Variants in ZMPSTE24 observed in about 807,000 individuals in gnomAD.
ZMPSTE24 encodes zinc metallopeptidase STE24, also known as CAAX prenyl protease 1 homolog.
In ZMPSTE24, 48 loss-of-function variants were observed where a neutral mutation model predicts 56.7. That is an observed-to-expected ratio of 0.85 (90% CI 0.67 to 1.08). The LOEUF (loss-of-function observed/expected upper bound fraction) is 1.08. Among genes scored for constraint, ZMPSTE24 ranks in the 50% least tolerant of loss-of-function variants. The probability of loss-of-function intolerance (pLI) is 0.00; values close to 1 mark genes in which losing one functional copy is unlikely to be tolerated. For missense variants in ZMPSTE24, 503 were observed against 548.7 expected (o/e 0.92, Z 0.83); for synonymous variants, 172 against 195.2 (o/e 0.88, Z 0.99).
chr1:40,290,856 G>T lies in ZMPSTE24; in HGVS notation c.1062G>T (p.Met354Ile), dbSNP rs1643836041. The change falls in exon 9 of 10, where the codon ATG (methionine) becomes ATT (isoleucine). Residue 354 changes from methionine to isoleucine, a missense_variant and splice_region_variant. Transcript: ENST00000372759. ...HTVKNIIISQ[M>I]NSFLCFFLFA... Reference sequence around the variant, plus strand: ...AAATTTCATGTCCTTCTTTCTAGATGAATTCTTTCCTGTGTTTTTTTTTAT... The same window carrying T: ...AAATTTCATGTCCTTCTTTCTAGATTAATTCTTTCCTGTGTTTTTTTTTAT... The T allele has an allele frequency of 1.9e-6, 3 of 1,613,822 alleles. No individual in the cohort carries two copies. The highest frequency in any genetic ancestry group is 3.3e-4 in the Middle Eastern group (2 of 6,042).
intron 2 of ZMPSTE24, among the ~76,000 whole-genome samples, chr1:40,265,003 A>G (rs1481175784): frequency 6.6e-6 from 1 of 152,076 alleles, no homozygotes; most frequent in Non-Finnish European, 1.5e-5. Context: ...TGAAATTGTC[A>G]ACATAGAGAC....
At chr1:40,278,343 G>C (rs372347338) in intron 6 of ZMPSTE24, among the ~76,000 whole-genome samples, 2 of 151,672 alleles carry the variant, frequency 1.3e-5, no homozygotes, top group Admixed American at 6.6e-5. Context: ...CGTGTAACGA[G>C]GTCAGGAGAT....
In ZMPSTE24 at chr1:40,273,516, T is replaced by TCAAAAAAAAAAA. The variant is rs1208318399; in HGVS notation, c.769+1481_769+1482insCAAAAAAAAAAA. ...TGGGCAACAAGAGCCAAATTCTGTC[T>TCAAAAAAAAAAA]AAAAAAAAAAAAAAAAAAAAAATAT... On this transcript the variant is annotated intron_variant, in intron 6 of 9. Coordinates refer to ENST00000372759, the MANE Select transcript of ZMPSTE24 (RefSeq NM_005857.5). Among the ~76,000 whole-genome samples the TCAAAAAAAAAAA allele has an allele frequency of 6.9e-3, 73 of 10,560 alleles. 13 individuals carry two copies. The highest frequency in any genetic ancestry group is 0.018 in the African/African-American group (32 of 1,766). 6.9% of individuals were successfully genotyped at this position (10,560 alleles called of 152,430 possible).
Position 40,290,864 on chromosome 1 carries a change from T to G in ZMPSTE24, c.1070T>G (p.Phe357Cys), listed in dbSNP as rs375311466. Residue 357 changes from phenylalanine (F) to cysteine (C), a missense_variant, in exon 9 of 10, where the codon TTC (phenylalanine) becomes TGC (cysteine). By Grantham distance (205) the Phe-to-Cys change is radical. Transcript: ENST00000372759. Reference sequence around the variant, plus strand: ...TGTCCTTCTTTCTAGATGAATTCTTTCCTGTGTTTTTTTTTATTTGCTGTA... The same window carrying G: ...TGTCCTTCTTTCTAGATGAATTCTTGCCTGTGTTTTTTTTTATTTGCTGTA... The part of the protein sequence containing the change: ...KNIIISQMNS[F>C]LCFFLFAVLI... 11 of 1,613,858 alleles carry G rather than the reference T, an allele frequency of 6.8e-6. 1 individual carries two copies. The South Asian group carries it at 7.7e-5, about 11-fold the overall frequency.
chr1:40,275,752 C>CA (rs34281343), intron 6 of ZMPSTE24, among the ~76,000 whole-genome samples: 10,440 of 62,206 alleles, frequency 0.17, 952 homozygotes, highest in African/African-American at 0.27. Context: ...GACCCTGTCT[C>CA]AAAAAAAAAA....
intron 1 of ZMPSTE24, among the ~76,000 whole-genome samples, chr1:40,260,029 G>A (rs1643479149): frequency 7.5e-6 from 1 of 133,672 alleles, no homozygotes; most frequent in African/African-American, 2.8e-5. Flanking sequence ...TTATAATTTA[G>A]TATAATGAGA....
intron 6 of ZMPSTE24, 36 bp downstream of exon 6, chr1:40,272,071 G>A: frequency 6.4e-7 from 1 of 1,564,054 alleles, no homozygotes; most frequent in Non-Finnish European, 8.6e-7. Context: ...TTTTATCCAA[G>A]TGGTTTGTTT....
At chr1:40,291,128 CCT>C in intron 9 of ZMPSTE24, 131 bp downstream of exon 9, 2 of 1,210,108 alleles carry the variant, frequency 1.7e-6, no homozygotes, top group African/African-American at 1.5e-5. Context: ...CTTTTAGTCC[CCT>C]GATTCACTGG....
chr1:40,291,332 A>C (rs1040364081), intron 9 of ZMPSTE24, among the ~76,000 whole-genome samples: 14 of 152,226 alleles, frequency 9.2e-5, no homozygotes, highest in Admixed American at 5.2e-4. Context: ...TCTTATGTGT[A>C]TGAGGGGACA....
intron 6 of ZMPSTE24, among the ~76,000 whole-genome samples, chr1:40,275,819 G>T (rs12144229): frequency 6.7e-6 from 1 of 149,958 alleles, no homozygotes; most frequent in South Asian, 2.1e-4. Context: ...TTAAGTTTAC[G>T]AAGCTCAGAA....
At chr1:40,259,696 G>A (rs1414782485) in intron 1 of ZMPSTE24, among the ~76,000 whole-genome samples, 1 of 152,074 alleles carries the variant, frequency 6.6e-6, no homozygotes, top group Non-Finnish European at 1.5e-5. Context: ...CCTCGAACTC[G>A]TGGGCTCAAA....
At chr1:40,273,551 T>A (rs868122167) in intron 6 of ZMPSTE24, among the ~76,000 whole-genome samples, 1,524 of 92,550 alleles carry the variant, frequency 0.016, 89 homozygotes, top group African/African-American at 0.081. Context: ...TATATATATA[T>A]ATATATATAT....
At position 40,258,300 on chromosome 1, in the gene ZMPSTE24, T is replaced by C. The variant is rs1357417557; in HGVS notation, c.29T>C (p.Leu10Ser). Residue 10 changes from leucine to serine, a missense_variant, in exon 1 of 10, where the codon TTG becomes TCG. Physicochemically the swap from Leu to Ser is moderately radical, Grantham distance 145. Coordinates refer to ENST00000372759, the MANE Select transcript of ZMPSTE24 (RefSeq NM_005857.5). ...GGGATGTGGGCATCGCTGGACGCTT[T>C]GTGGGAGATGCCGGCCGAGAAGCGT... MGMWASLDA[L>S]WEMPAEKRIF... is the part of the protein sequence containing the mutation. 6.8e-6 allele frequency: 11 copies of C among 1,613,994 alleles called. No homozygotes were observed. Among genetic ancestry groups the C allele is most frequent in the Non-Finnish European group, 8.5e-6 (10 of 1,180,032 alleles).
intron 6 of ZMPSTE24, among the ~76,000 whole-genome samples, chr1:40,279,223 T>C (rs1207437362): frequency 1.3e-5 from 2 of 152,212 alleles, no homozygotes; most frequent in Non-Finnish European, 2.9e-5. Context: ...TAAAAGTCTT[T>C]GGGAAAAGAA....
At chr1:40,273,538 ATATATAT>A (rs1293730762) in intron 6 of ZMPSTE24, among the ~76,000 whole-genome samples, 72 of 17,348 alleles carry the variant, frequency 4.2e-3, no homozygotes, top group African/African-American at 8.7e-3. Flanking sequence ...AAAAAAAAAA[ATATATAT>A]ATATATATAT....
intron 2 of ZMPSTE24, 74 bp downstream of exon 2, chr1:40,261,059 G>A (rs776139764): frequency 6.4e-7 from 1 of 1,556,000 alleles, no homozygotes; most frequent in Non-Finnish European, 8.9e-7. Flanking sequence ...CACAAAAGAG[G>A]GTACCACACT....
At chr1:40,279,471 T>A (rs550554675) in intron 6 of ZMPSTE24, among the ~76,000 whole-genome samples, 7 of 152,286 alleles carry the variant, frequency 4.6e-5, no homozygotes, top group Admixed American at 3.9e-4. Flanking sequence ...ATACGTTTGC[T>A]TATTTCTGTA....
In ZMPSTE24 at chr1:40,290,363, C is replaced by A. The variant is rs768780291; in HGVS notation, c.1060-491C>A. On this transcript the variant is annotated intron_variant, in intron 8 of 9. Coordinates refer to ENST00000372759, the MANE Select transcript of ZMPSTE24 (RefSeq NM_005857.5). ...TCGTGCCACTGAGCTCCACCCTGGG[C>A]GACAGAGTGAGATCTGTCTCAAAAA... 6.1e-5 allele frequency among the ~76,000 whole-genome samples: 9 copies of A among 148,124 alleles called. No individual in the cohort carries two copies. In the East Asian group the frequency reaches 1.4e-3, roughly 23 times the overall value.
rs193076795 is a variant in ZMPSTE24 at position 40,292,728 on chromosome 1, C to T, written c.*59C>T. 6 of 1,535,130 alleles carry T rather than the reference C, an allele frequency of 3.9e-6. No homozygotes were observed. The African/African-American group carries it at 4.1e-5, about 10-fold the overall frequency. On this transcript the variant is annotated 3_prime_UTR_variant, in exon 10 of 10. Coordinates refer to ENST00000372759, the MANE Select transcript of ZMPSTE24 (RefSeq NM_005857.5). ...ATTATTTCTGTCCTGGCAGCATGTTCCAGCTCTTGATGTTTTTAAACTTTT... is the reference window on the plus strand; with the variant it reads ...ATTATTTCTGTCCTGGCAGCATGTTTCAGCTCTTGATGTTTTTAAACTTTT...
Sources: gnomAD v4.1 joint callset for allele counts (sites outside exome capture counted in the v4.1 genomes callset) on GRCh38, gnomAD v4.1.1 for gene constraint, MANE v1.5 for transcripts, NCBI Gene and HGNC (gene_info 2026-07-23, HGNC 2026-07-21) for gene names.